PCDHGB6: variants seen among roughly 807,000 people sequenced by gnomAD.
PCDHGB6 encodes the protein protocadherin gamma subfamily B, 6.
A neutral mutation model predicts 59.1 loss-of-function variants in PCDHGB6; 51 were observed. The ratio of observed to expected loss-of-function variants is 0.86; its 90% confidence interval spans 0.69 to 1.09. The LOEUF (loss-of-function observed/expected upper bound fraction) is 1.09. Ranked by LOEUF, PCDHGB6 falls within the 50% of genes least tolerant of loss-of-function variation. PCDHGB6 has a pLI of 0.00. For missense variants in PCDHGB6, 1,148 were observed against 1,205.1 expected (o/e 0.95, Z 0.70); for synonymous variants, 466 against 495.1 (o/e 0.94, Z 0.78).
chr5:141,454,464 T>C (rs1365696226), intron 1 of PCDHGB6, among the ~76,000 whole-genome samples: 1 of 152,196 alleles, frequency 6.6e-6, no homozygotes, highest in Non-Finnish European at 1.5e-5. Flanking sequence ...TGGAGTGCAA[T>C]GGCATGATCT....
chr5:141,501,164 G>C (rs991995325), intron 2 of PCDHGB6, among the ~76,000 whole-genome samples: 32 of 152,144 alleles, frequency 2.1e-4, no homozygotes, highest in African/African-American at 7.7e-4. Context: ...ACCATCCCCA[G>C]CCTCATTTAC....
At chr5:141,498,429 G>T (rs1595525351) in intron 2 of PCDHGB6, among the ~76,000 whole-genome samples, 1 of 152,290 alleles carries the variant, frequency 6.6e-6, no homozygotes, top group East Asian at 1.9e-4. Flanking sequence ...GGAGTGAGGG[G>T]ATGAAGAGGA....
chr5:141,490,896 G>C lies in PCDHGB6; in HGVS notation c.2419-3911G>C. The stretch of plus-strand genomic sequence containing the variant: ...TGCATGCCAACACATCTCTGCATGT[G>C]TTTGTCCTAGACGAGAATGATAATG... On this transcript the variant is annotated intron_variant, in intron 1 of 3. Coordinates refer to ENST00000520790, the MANE Select transcript of PCDHGB6 (RefSeq NM_018926.3). This position sits in a 1 kb window ranked among gnomAD's most constrained non-coding sequence, Gnocchi z 5.4. 2.5e-6 allele frequency: 4 copies of C among 1,613,938 alleles called. No homozygotes were observed. The highest frequency in any genetic ancestry group is 3.4e-6 in the Non-Finnish European group (4 of 1,179,922).
chr5:141,458,933 A>G (rs920768063), intron 1 of PCDHGB6, among the ~76,000 whole-genome samples: 3 of 151,912 alleles, frequency 2.0e-5, no homozygotes, highest in Admixed American at 6.6e-5. Flanking sequence ...GGGTCTCACT[A>G]TGTTGCTTAG....
rs769125626 is a variant in PCDHGB6, at chr5:141,410,419, TC to T, written c.2223del (p.Asn742ThrfsTer26). 1 of 1,613,886 alleles carries T rather than the reference TC, an allele frequency of 6.2e-7. No individual in the cohort carries two copies. The highest frequency in any genetic ancestry group is 1.1e-5 in the South Asian group (1 of 91,086). ...TCTGTGTCAAGTCTGGACCTGTAGT[TC>T]CCCCCAACTACAGTGAGGGGACTTT... ...GLCVKSGPVV[P>X]PNYSEGTLPY... On this transcript the variant is annotated frameshift_variant, in exon 1 of 4. Transcript: ENST00000520790. LOFTEE classifies it high-confidence loss of function.
intron 1 of PCDHGB6, among the ~76,000 whole-genome samples, chr5:141,448,571 C>G (rs1207283773): frequency 6.6e-6 from 1 of 152,128 alleles, no homozygotes; most frequent in Non-Finnish European, 1.5e-5. Flanking sequence ...TTTTATTTCC[C>G]CATTTTTTTT....
intron 1 of PCDHGB6, among the ~76,000 whole-genome samples, chr5:141,438,458 G>A (rs1462204360): frequency 6.6e-6 from 1 of 151,538 alleles, no homozygotes. Context: ...CAATGCTTGA[G>A]TTCAATTATT....
intron 1 of PCDHGB6, chr5:141,415,519 A>T: frequency 1.9e-6 from 3 of 1,614,182 alleles, no homozygotes; most frequent in Non-Finnish European, 2.5e-6. Context: ...TTATGCGGAC[A>T]CGCTCATCAG....
At chr5:141,478,467 G>T (rs2099457769) in intron 1 of PCDHGB6, 1 of 1,613,656 alleles carries the variant, frequency 6.2e-7, no homozygotes, top group South Asian at 1.1e-5. Flanking sequence ...CCACTGGCCA[G>T]CCGCCAGAAC....
In PCDHGB6 at chr5:141,486,574, C is replaced by T. The variant is rs1435813800; in HGVS notation, c.2419-8233C>T. On this transcript the variant is annotated intron_variant, in intron 1 of 3. Transcript: ENST00000520790. This position sits in a 1 kb window ranked among gnomAD's most constrained non-coding sequence, Gnocchi z 5.0. ...CACATGAGGTGTTTGTTCCTGAGAACAATCGCCCAGGGGACCTGCTTTGCT... is the reference window on the plus strand; with the variant it reads ...CACATGAGGTGTTTGTTCCTGAGAATAATCGCCCAGGGGACCTGCTTTGCT... The T allele has an allele frequency of 1.9e-6, 3 of 1,613,868 alleles. No homozygotes were observed. Among genetic ancestry groups the T allele is most frequent in the Non-Finnish European group, 2.5e-6 (3 of 1,180,002 alleles).
chr5:141,491,496 C>T lies in PCDHGB6; in HGVS notation c.2419-3311C>T, dbSNP rs372523924. ...AGTCCAGCCCCAACCTGCAGGTGAG[C>T]TCGGACGGCACGCTCAAGTACATGG... On this transcript the variant is annotated intron_variant, in intron 1 of 3. Transcript: ENST00000520790. This position sits in a 1 kb window ranked among gnomAD's most constrained non-coding sequence, Gnocchi z 6.9. 2.9e-5 allele frequency: 47 copies of T among 1,614,004 alleles called. No individual in the cohort carries two copies. Among genetic ancestry groups the T allele is most frequent in the Non-Finnish European group, 3.7e-5 (44 of 1,180,026 alleles).
chr5:141,473,029 G>A (rs62379204), intron 1 of PCDHGB6, among the ~76,000 whole-genome samples: 15,982 of 147,800 alleles, frequency 0.11, 873 homozygotes, highest in South Asian at 0.15. Flanking sequence ...AAGGAAGGAA[G>A]GAAGGAAAGA....
chr5:141,486,555 A>T lies in PCDHGB6; in HGVS notation c.2419-8252A>T, dbSNP rs746001345. The T allele has an allele frequency of 6.2e-6, 10 of 1,614,078 alleles. No individual in the cohort carries two copies. Among genetic ancestry groups the T allele is most frequent in the Non-Finnish European group, 7.6e-6 (9 of 1,180,022 alleles). ...CCCTCTTTCTTTCAGAGGTCACATGAGGTGTTTGTTCCTGAGAACAATCGC... is the reference window on the plus strand; with the variant it reads ...CCCTCTTTCTTTCAGAGGTCACATGTGGTGTTTGTTCCTGAGAACAATCGC... On this transcript the variant is annotated intron_variant, in intron 1 of 3. Transcript: ENST00000520790. This position sits in a 1 kb window ranked among gnomAD's most constrained non-coding sequence, Gnocchi z 5.0.
At chr5:141,484,300 C>G (rs927710366) in intron 1 of PCDHGB6, among the ~76,000 whole-genome samples, 1 of 152,190 alleles carries the variant, frequency 6.6e-6, no homozygotes, top group Non-Finnish European at 1.5e-5. Context: ...CTCCTGGCTT[C>G]CTCCACCCCG....
intron 1 of PCDHGB6, among the ~76,000 whole-genome samples, chr5:141,433,534 C>T (rs2097618995): frequency 6.6e-6 from 1 of 152,088 alleles, no homozygotes; most frequent in Admixed American, 6.5e-5. Context: ...GTGCCCCGCC[C>T]TTATCAGATA....
intron 1 of PCDHGB6, among the ~76,000 whole-genome samples, chr5:141,443,369 C>T (rs1403494558): frequency 6.6e-6 from 1 of 151,848 alleles, no homozygotes; most frequent in African/African-American, 2.4e-5. Context: ...CCTGTGGTCT[C>T]AGCTACTTGG....
chr5:141,417,754 C>A, intron 1 of PCDHGB6: 2 of 1,431,302 alleles, frequency 1.4e-6, no homozygotes, highest in Non-Finnish European at 1.8e-6. Flanking sequence ...TTGCCAGCTC[C>A]GAGACCCGGG....
intron 2 of PCDHGB6, among the ~76,000 whole-genome samples, chr5:141,496,391 A>G (rs1473991011): frequency 1.3e-5 from 2 of 151,930 alleles, no homozygotes; most frequent in Admixed American, 6.6e-5. Flanking sequence ...ACCTTACCCT[A>G]CCTCCTCAAT....
rs779735897 is a variant in PCDHGB6 at position 141,422,336 on chromosome 5, TA to T, written c.2418+11719del. 34 of 1,550,032 alleles carry T rather than the reference TA, an allele frequency of 2.2e-5. No individual in the cohort carries two copies. The East Asian group carries it at 7.2e-4, about 33-fold the overall frequency. On this transcript the variant is annotated intron_variant, in intron 1 of 3. Coordinates refer to ENST00000520790, the MANE Select transcript of PCDHGB6 (RefSeq NM_018926.3). ...CCTCCAGGTACAGTGATTGCTCTTC[TA>T]AATGTGCAAGATCAAGATTCTGGAG... is the stretch of plus-strand genomic sequence containing the variant.
Sources: gnomAD v4.1 joint callset for allele counts (sites outside exome capture counted in the v4.1 genomes callset) on GRCh38, gnomAD v4.1.1 for gene constraint, Gnocchi (gnomAD v3.1) non-coding constraint, MANE v1.5 for transcripts, NCBI Gene and HGNC (gene_info 2026-07-23, HGNC 2026-07-21) for gene names.